The following AFDN variants were observed in gnomAD, a reference collection of about 807,000 sequenced individuals.
The protein encoded by AFDN is afadin, adherens junction formation factor.
In AFDN, 68 loss-of-function variants were observed where a neutral mutation model predicts 216.6. The observed-to-expected ratio is 0.31, with a 90% CI of 0.26 to 0.38. The LOEUF (loss-of-function observed/expected upper bound fraction) is 0.38. Ranked by LOEUF, AFDN falls within the 10% of genes least tolerant of loss-of-function variation. The probability of loss-of-function intolerance (pLI) is 1.00; values close to 1 mark genes in which losing one functional copy is unlikely to be tolerated. For missense variants in AFDN, 2,136 were observed against 2,342.0 expected (o/e 0.91, Z 1.82); for synonymous variants, 868 against 853.7 (o/e 1.02, Z -0.29).
At chr6:167,923,558 C>T (rs1307610775) in intron 22 of AFDN, among the ~76,000 whole-genome samples, 3 of 150,702 alleles carry the variant, frequency 2.0e-5, no homozygotes, top group South Asian at 4.2e-4. Flanking sequence ...AATTGATGAT[C>T]GTTCTTTTGT....
intron 1 of AFDN, among the ~76,000 whole-genome samples, chr6:167,862,700 A>G (rs1179085578): frequency 6.6e-6 from 1 of 152,228 alleles, no homozygotes; most frequent in African/African-American, 2.4e-5. Flanking sequence ...GGGTTGCCAG[A>G]CTAACATAGA....
At chr6:167,833,424 G>A (rs1780042817) in intron 1 of AFDN, among the ~76,000 whole-genome samples, 1 of 152,160 alleles carries the variant, frequency 6.6e-6, no homozygotes, top group Admixed American at 6.5e-5. Context: ...TGGCTGAGTG[G>A]TGCAGTGGGC....
intron 1 of AFDN, among the ~76,000 whole-genome samples, chr6:167,828,161 C>G (rs1471906584): frequency 6.6e-6 from 1 of 152,066 alleles, no homozygotes; most frequent in Non-Finnish European, 1.5e-5. Flanking sequence ...ATATTTGTGC[C>G]CGTTTAGGAA....
chr6:167,966,303 T>C (rs1423812305), intron 32 of AFDN: 1 of 1,454,164 alleles, frequency 6.9e-7, no homozygotes, highest in East Asian at 2.8e-5. Flanking sequence ...TCAGCTCTCT[T>C]TGTCTTAATG....
intron 1 of AFDN, among the ~76,000 whole-genome samples, chr6:167,844,210 GTGTGTGTGTT>G (rs1781387293): frequency 1.3e-5 from 2 of 148,768 alleles, no homozygotes; most frequent in Non-Finnish European, 3.0e-5. Flanking sequence ...GTGTGTGTGT[GTGTGTGTGTT>G]TTGAGATGAG....
chr6:167,882,917 A>G lies in AFDN; in HGVS notation c.897+2400A>G, dbSNP rs550123840. Among the ~76,000 whole-genome samples, 175 of 152,310 alleles carry G rather than the reference A, an allele frequency of 1.1e-3. 1 individual carries two copies. Among genetic ancestry groups the G allele is most frequent in the Middle Eastern group, 6.8e-3 (2 of 294 alleles). ...TAAGGCTGGTGCTAGTCTTCTCAACAGTAACTATGGTATCTGGCATGCCGT... is the reference window on the plus strand; with the variant it reads ...TAAGGCTGGTGCTAGTCTTCTCAACGGTAACTATGGTATCTGGCATGCCGT... On this transcript the variant is annotated intron_variant, in intron 6 of 33. Transcript: ENST00000683244.
At chr6:167,943,796 T>A (rs1794966680) in intron 25 of AFDN, 145 bp from the exon 26 acceptor site, 1 of 704,290 alleles carries the variant, frequency 1.4e-6, no homozygotes, top group East Asian at 2.6e-5. Flanking sequence ...GGGTAGTGAG[T>A]AAGCTGTCTG....
chr6:167,871,045 A>G (rs1315247929), intron 3 of AFDN, among the ~76,000 whole-genome samples: 1 of 152,214 alleles, frequency 6.6e-6, no homozygotes, highest in East Asian at 1.9e-4. Context: ...AGAATTCATT[A>G]TGGACAAGTG....
At chr6:167,904,721 C>G (rs1789434770) in intron 12 of AFDN, among the ~76,000 whole-genome samples, 1 of 152,208 alleles carries the variant, frequency 6.6e-6, no homozygotes, top group Non-Finnish European at 1.5e-5. Context: ...TTCTCTCAGC[C>G]TCTGCATGCA....
At chr6:167,893,150 T>A (rs1787819855) in intron 8 of AFDN, among the ~76,000 whole-genome samples, 1 of 152,132 alleles carries the variant, frequency 6.6e-6, no homozygotes, top group Admixed American at 6.5e-5. Context: ...TGCCACTATT[T>A]TAAGGGTGAC....
chr6:167,880,410 A>G lies in AFDN; in HGVS notation c.790A>G (p.Lys264Glu). The G allele has an allele frequency of 6.2e-7, 1 of 1,613,736 alleles. No individual in the cohort carries two copies. The highest frequency in any genetic ancestry group is 8.5e-7 in the Non-Finnish European group (1 of 1,179,718). ...ADSLKPNIPYKTILLSTTDPA... is the reference protein window; with the variant it reads ...ADSLKPNIPYETILLSTTDPA... The stretch of plus-strand genomic sequence containing the variant: ...TAGTTTAAAACCAAATATTCCCTAC[A>G]AGACAATCCTGCTGTCTACTACAGA... Residue 264 changes from lysine to glutamate, a missense_variant, in exon 6 of 34, where the codon AAG becomes GAG. By Grantham distance (56) the Lys-to-Glu change is moderately conservative. This residue lies in a region of AFDN where 817 missense variants were observed against 965.7 expected (regional missense o/e 0.85). Transcript: ENST00000683244.
chr6:167,959,469 A>G (rs1040485155), intron 30 of AFDN, among the ~76,000 whole-genome samples: 2 of 152,206 alleles, frequency 1.3e-5, no homozygotes, highest in Admixed American at 6.5e-5. Context: ...GTAATAAATG[A>G]TCAGGTGTTT....
In AFDN at chr6:167,915,183, C is replaced by G; in HGVS notation, c.2315C>G (p.Thr772Arg). The change falls in exon 19 of 34, where the codon ACG becomes AGG. Residue 772 changes from threonine to arginine, a missense_variant. Physicochemically the swap from Thr to Arg is moderately conservative, Grantham distance 71. Transcript: ENST00000683244. ...QRPKIDDVLHTLTGAMSLLRR... is the reference protein window; with the variant it reads ...QRPKIDDVLHRLTGAMSLLRR... ...GTCTGGGCAGATGATGTGCTGCACACGCTCACAGGAGCCATGTCCTTGCTA... is the reference window on the plus strand; with the variant it reads ...GTCTGGGCAGATGATGTGCTGCACAGGCTCACAGGAGCCATGTCCTTGCTA... 9 of 1,614,104 alleles carry G rather than the reference C, an allele frequency of 5.6e-6. No homozygotes were observed. Among genetic ancestry groups the G allele is most frequent in the Non-Finnish European group, 7.6e-6 (9 of 1,180,026 alleles).
In AFDN at chr6:167,913,772, G is replaced by A. The variant is rs1790703049; in HGVS notation, c.2058+349G>A. 3 of 403,892 alleles carry A rather than the reference G, an allele frequency of 7.4e-6. No individual in the cohort carries two copies. In the Admixed American group the frequency reaches 1.3e-4, roughly 17 times the overall value. 25.0% of individuals were successfully genotyped at this position (403,892 alleles called of 1,614,324 possible). A position where few individuals can be genotyped will look rare whatever the true frequency, so the allele number is the denominator to read the frequency against. ...TCAGTACTTGATACTGAGTTGCATG[G>A]TGTCCAAGCCAGTGACTACAAGTAT... On this transcript the variant is annotated intron_variant, in intron 16 of 33. Transcript: ENST00000683244.
At chr6:167,911,057 G>T in intron 13 of AFDN, 44 bp from the exon 14 acceptor site, 1 of 1,534,006 alleles carries the variant, frequency 6.5e-7, no homozygotes, top group Non-Finnish European at 8.9e-7. Flanking sequence ...AATATTGTTA[G>T]CCATGTGACC....
intron 17 of AFDN, 95 bp downstream of exon 17, chr6:167,914,408 T>C: frequency 1.4e-6 from 2 of 1,456,530 alleles, no homozygotes; most frequent in Non-Finnish European, 1.9e-6. Context: ...GATTTATATT[T>C]ACCTTGATTG....
At chr6:167,855,252 G>A (rs376730396) in intron 1 of AFDN, among the ~76,000 whole-genome samples, 19 of 152,024 alleles carry the variant, frequency 1.2e-4, no homozygotes, top group African/African-American at 2.7e-4. Context: ...ATTGTTTTTC[G>A]TGTGCTTGAC....
At chr6:167,833,505 G>A (rs908668850) in intron 1 of AFDN, among the ~76,000 whole-genome samples, 1 of 152,116 alleles carries the variant, frequency 6.6e-6, no homozygotes, top group Admixed American at 6.5e-5. Flanking sequence ...AAAATCAGGC[G>A]GTTTCTGCTC....
At chr6:167,866,148 T>C (rs1318467216) in intron 2 of AFDN, among the ~76,000 whole-genome samples, 1 of 129,420 alleles carries the variant, frequency 7.7e-6, no homozygotes, top group East Asian at 2.2e-4. Flanking sequence ...GCTGTTCAGT[T>C]AGTTGAATAC....
Sources: allele counts gnomAD v4.1 joint callset (sites outside exome capture counted in the v4.1 genomes callset), GRCh38; gene constraint gnomAD v4.1.1; regional missense constraint gnomAD v4.1.1; transcripts MANE v1.5; gene names NCBI Gene and HGNC (gene_info 2026-07-23, HGNC 2026-07-21).